Variants in MCTP1 observed in about 807,000 individuals in gnomAD.
MCTP1 encodes the protein multiple C2 and transmembrane domain containing 1, also known as multiple C2 and transmembrane domain-containing protein 1.
In MCTP1, 69 loss-of-function variants were observed where a neutral mutation model predicts 120.6. The observed-to-expected ratio is 0.57, with a 90% CI of 0.47 to 0.70. MCTP1 has a LOEUF of 0.70. Ranked by LOEUF, MCTP1 falls within the 30% of genes least tolerant of loss-of-function variation. The pLI is 0.00. For synonymous variants in MCTP1, 529 were observed against 493.1 expected (o/e 1.07, Z -0.96); for missense variants, 1,203 against 1,248.8 (o/e 0.96, Z 0.55).
intron 1 of MCTP1, among the ~76,000 whole-genome samples, chr5:95,279,247 T>C (rs1760116101): frequency 6.6e-6 from 1 of 152,218 alleles, no homozygotes; most frequent in African/African-American, 2.4e-5. Flanking sequence ...TTTCAAACAA[T>C]GAGGTAAAAG....
chr5:95,014,120 C>T (rs568255375), intron 2 of MCTP1, among the ~76,000 whole-genome samples: 12 of 152,034 alleles, frequency 7.9e-5, no homozygotes, highest in East Asian at 1.9e-4. Context: ...AAAAAATAGC[C>T]GGGCATGGCG....
chr5:95,156,898 T>C (rs1267836714), intron 1 of MCTP1, among the ~76,000 whole-genome samples: 1 of 152,174 alleles, frequency 6.6e-6, no homozygotes, highest in African/African-American at 2.4e-5. Flanking sequence ...ATCTGATATA[T>C]TGGTGAAACG....
In MCTP1 at chr5:95,214,110, A is replaced by C. The variant is rs1436233071; in HGVS notation, c.720+69746T>G. Among the ~76,000 whole-genome samples the C allele has an allele frequency of 4.9e-4, 74 of 152,154 alleles. No homozygotes were observed. The Middle Eastern group carries it at 0.021, about 43-fold the overall frequency. ...GAATGGGAGAAAATTTTGGCAACCT[A>C]CTCATTTGACAAAGGGCTAATATCC... On this transcript the variant is annotated intron_variant, in intron 1 of 22. Transcript: ENST00000515393.
chr5:95,195,339 T>C (rs1316343980), intron 1 of MCTP1, among the ~76,000 whole-genome samples: 1 of 152,060 alleles, frequency 6.6e-6, no homozygotes, highest in African/African-American at 2.4e-5. Context: ...TCAGAGGGAA[T>C]GGGAAAGTAA....
intron 2 of MCTP1, among the ~76,000 whole-genome samples, chr5:94,953,828 T>C (rs868017500): frequency 2.4e-5 from 1 of 42,444 alleles, no homozygotes; most frequent in African/African-American, 2.3e-4. Context: ...AATATATATA[T>C]ACATATATAT....
intron 1 of MCTP1, among the ~76,000 whole-genome samples, chr5:95,230,368 T>C (rs1277272206): frequency 6.6e-6 from 1 of 152,146 alleles, no homozygotes; most frequent in Non-Finnish European, 1.5e-5. Context: ...TTAAGTGACT[T>C]GCGTAAGGTA....
intron 19 of MCTP1, among the ~76,000 whole-genome samples, chr5:94,764,574 G>A (rs373707393): frequency 9.2e-5 from 14 of 152,020 alleles, no homozygotes; most frequent in African/African-American, 1.4e-4. Flanking sequence ...GATTGAGCTG[G>A]AGTAGCTATA....
At chr5:95,097,755 AT>A (rs1756380929) in intron 1 of MCTP1, among the ~76,000 whole-genome samples, 1 of 152,160 alleles carries the variant, frequency 6.6e-6, no homozygotes, top group Admixed American at 6.5e-5. Flanking sequence ...TTCAGGATGT[AT>A]TTTGGGTAAA....
intron 17 of MCTP1, among the ~76,000 whole-genome samples, chr5:94,802,086 T>A (rs1045396163): frequency 2.0e-5 from 3 of 152,292 alleles, no homozygotes; most frequent in East Asian, 3.9e-4. Context: ...AGAAAGAAAT[T>A]ACATTCATTT....
chr5:94,868,321 G>C lies in MCTP1; in HGVS notation c.2436+12C>G. ...AATGAATAACAATGTAAGTAATACA[G>C]TATGATCATACCACAAAAGCAGCGA... On this transcript the variant is annotated intron_variant, in intron 17 of 22. Coordinates refer to ENST00000515393, the MANE Select transcript of MCTP1 (RefSeq NM_024717.7). 2 of 1,589,424 alleles carry C rather than the reference G, an allele frequency of 1.3e-6. No homozygotes were observed. The highest frequency in any genetic ancestry group is 1.7e-6 in the Non-Finnish European group (2 of 1,170,188).
rs1415974256 is a variant in MCTP1 at position 94,705,728 on chromosome 5, GAACAT to G, written c.*1763_*1767del. 2.6e-5 allele frequency: 4 copies of G among 151,588 alleles called. No individual in the cohort carries two copies. The highest frequency in any genetic ancestry group is 9.7e-5 in the African/African-American group (4 of 41,364). The allele number at this position is 151,588 out of a possible 1,614,324, so 9.4% of individuals were successfully genotyped here. On this transcript the variant is annotated 3_prime_UTR_variant, in exon 23 of 23. Coordinates refer to ENST00000515393, the MANE Select transcript of MCTP1 (RefSeq NM_024717.7). ...CATTTGAGTACACATTGTCAGCACA[GAACAT>G]AAAAGTCTCACATAAGGTATAATTG...
At chr5:95,142,976 A>G (rs961636209) in intron 1 of MCTP1, among the ~76,000 whole-genome samples, 1 of 152,248 alleles carries the variant, frequency 6.6e-6, no homozygotes, top group African/African-American at 2.4e-5. Flanking sequence ...CTGTGCAAAT[A>G]AAATATACTG....
chr5:94,879,522 AG>A (rs1187564286), intron 12 of MCTP1, among the ~76,000 whole-genome samples: 1 of 152,112 alleles, frequency 6.6e-6, no homozygotes, highest in African/African-American at 2.4e-5. Flanking sequence ...TTTTGATCTT[AG>A]GAACTCTTAA....
intron 19 of MCTP1, among the ~76,000 whole-genome samples, chr5:94,756,006 A>G (rs137987897): frequency 1.6e-3 from 246 of 152,338 alleles, no homozygotes; most frequent in African/African-American, 5.7e-3. Flanking sequence ...CCATTTAACA[A>G]CTTGACAATT....
chr5:94,867,385 G>C (rs757133852), intron 17 of MCTP1: 23 of 1,495,124 alleles, frequency 1.5e-5, no homozygotes, highest in Non-Finnish European at 2.1e-5. Flanking sequence ...TACAAGGCCT[G>C]AGAGGAAGAC....
At chr5:94,832,639 C>CACAT (rs1211984325) in intron 17 of MCTP1, among the ~76,000 whole-genome samples, 1 of 151,754 alleles carries the variant, frequency 6.6e-6, no homozygotes, top group African/African-American at 2.4e-5. Context: ...CACACACACA[C>CACAT]ACACACACTT....
At chr5:94,855,472 C>G (rs1561754398) in intron 17 of MCTP1, among the ~76,000 whole-genome samples, 1 of 151,862 alleles carries the variant, frequency 6.6e-6, no homozygotes. Context: ...GACCCCCCAA[C>G]TGGCAATTGT....
chr5:95,003,918 T>C (rs1022508496), intron 2 of MCTP1, among the ~76,000 whole-genome samples: 2 of 152,072 alleles, frequency 1.3e-5, no homozygotes, highest in African/African-American at 2.4e-5. Context: ...TGGGCACAGG[T>C]TGGAACAGTT....
intron 1 of MCTP1, among the ~76,000 whole-genome samples, chr5:95,242,910 C>T (rs1431119614): frequency 6.6e-6 from 1 of 152,144 alleles, no homozygotes; most frequent in East Asian, 1.9e-4. Context: ...CTGCAATAAA[C>T]CTGTTTTTAA....
Sources: gnomAD v4.1 joint callset for allele counts (sites outside exome capture counted in the v4.1 genomes callset) on GRCh38, gnomAD v4.1.1 for gene constraint, MANE v1.5 for transcripts, NCBI Gene and HGNC (gene_info 2026-07-23, HGNC 2026-07-21) for gene names.